Variants in ADGRG3 observed in about 807,000 individuals in gnomAD.
The protein encoded by ADGRG3 is adhesion G protein-coupled receptor G3.
Under a neutral mutation model 54.3 loss-of-function variants are expected in ADGRG3, and 39 were observed. The ratio of observed to expected loss-of-function variants is 0.72; its 90% CI spans 0.56 to 0.94. The LOEUF (loss-of-function observed/expected upper bound fraction) is 0.94, where lower values mean the gene tolerates loss of function less well. ADGRG3 is among the 40% of genes least tolerant of loss of function. The probability of loss-of-function intolerance (pLI) is 0.00; values close to 1 mark genes in which losing one functional copy is unlikely to be tolerated. For missense variants in ADGRG3, 654 were observed against 694.6 expected, an observed-to-expected ratio of 0.94 and a Z score of 0.66; for synonymous variants, 312 against 290.0, an observed-to-expected ratio of 1.08 and a Z score of -0.77.
rs1429066171 is a variant in ADGRG3 at position 57,668,346 on chromosome 16, G to C, written c.-2G>C. ...TCCTGGCGTGGGCAAGGCTGGCCAA[G>C]GATGGCGACGCCCAGGGGCCTGGGG... On this transcript the variant is annotated 5_prime_UTR_variant, in exon 1 of 12. Transcript: ENST00000333493. The C allele has an allele frequency of 6.4e-7, 1 of 1,569,740 alleles. No homozygotes were observed.
At chr16:57,684,720 A>G (rs2048441194) in intron 10 of ADGRG3, among the ~76,000 whole-genome samples, 1 of 152,214 alleles carries the variant, frequency 6.6e-6, no homozygotes, top group African/African-American at 2.4e-5. Context: ...GAACTGGACC[A>G]GGAGGCAGGA....
intron 1 of ADGRG3, among the ~76,000 whole-genome samples, chr16:57,671,357 T>C (rs990978712): frequency 4.6e-5 from 6 of 131,570 alleles, no homozygotes; most frequent in Non-Finnish European, 7.8e-5. Flanking sequence ...TTTTTTTTTT[T>C]CGAGACAGAG....
chr16:57,678,305 A>C lies in ADGRG3; in HGVS notation c.481A>C (p.Thr161Pro), dbSNP rs2048299954. The C allele has an allele frequency of 6.2e-7, 1 of 1,613,974 alleles. No individual in the cohort carries two copies. Among genetic ancestry groups the C allele is most frequent in the East Asian group, 2.2e-5 (1 of 44,866 alleles). Residue 161 changes from threonine (T) to proline (P), a missense_variant, in exon 4 of 12, where the codon ACT becomes CCT. By Grantham distance (38) the Thr-to-Pro change is conservative. Coordinates refer to ENST00000333493, the MANE Select transcript of ADGRG3 (RefSeq NM_170776.5). ...AVTILDIGPGTLFKGPRLGLG... is the reference protein window; with the variant it reads ...AVTILDIGPGPLFKGPRLGLG... Reference sequence around the variant, plus strand: ...CACCATTCTGGACATTGGTCCAGGGACTCTCTTCAAGGTGAGGACTCAGGG... The same window carrying C: ...CACCATTCTGGACATTGGTCCAGGGCCTCTCTTCAAGGTGAGGACTCAGGG...
At chr16:57,686,261 G>A (rs1278527165) in intron 11 of ADGRG3, among the ~76,000 whole-genome samples, 2 of 152,178 alleles carry the variant, frequency 1.3e-5, no homozygotes, top group Admixed American at 1.3e-4. Flanking sequence ...CAATCATGGT[G>A]GAAGATAAAG....
intron 6 of ADGRG3, among the ~76,000 whole-genome samples, 187 bp from the exon 7 acceptor site, chr16:57,680,078 T>G (rs1405017118): frequency 2.6e-5 from 2 of 78,000 alleles, no homozygotes; most frequent in Non-Finnish European, 5.3e-5. Flanking sequence ...TCCCCTCTGT[T>G]CCCCTCCCCT....
chr16:57,678,293 A>G lies in ADGRG3; in HGVS notation c.469A>G (p.Ile157Val), dbSNP rs763162128. 8.7e-6 allele frequency: 14 copies of G among 1,614,176 alleles called. No homozygotes were observed. The South Asian group carries it at 1.4e-4, about 16-fold the overall frequency. ...CCGCTTGGCCGTCACCATTCTGGAC[A>G]TTGGTCCAGGGACTCTCTTCAAGGT... is the stretch of plus-strand genomic sequence containing the variant. Reference protein sequence around the residue: ...VVRLAVTILDIGPGTLFKGPR... With the variant: ...VVRLAVTILDVGPGTLFKGPR... Residue 157 changes from isoleucine (I) to valine (V), a missense_variant, in exon 4 of 12, where the codon ATT becomes GTT. Ile to Val is a conservative substitution (Grantham distance 29). Transcript: ENST00000333493.
At chr16:57,688,301 A>C in intron 11 of ADGRG3, 51 bp from the exon 12 acceptor site, 1 of 1,189,068 alleles carries the variant, frequency 8.4e-7, no homozygotes, top group Non-Finnish European at 1.3e-6. Flanking sequence ...AGGCTGCCCC[A>C]CTCTCTGCCC....
chr16:57,676,188 G>A lies in ADGRG3; in HGVS notation c.207-12G>A, dbSNP rs1185533411. On this transcript the variant is annotated splice_polypyrimidine_tract_variant and intron_variant, in intron 2 of 11. Coordinates refer to ENST00000333493, the MANE Select transcript of ADGRG3 (RefSeq NM_170776.5). Reference sequence around the variant, plus strand: ...AGGATCCTACCCTCCCCCCATCCCTGGCCCTTTGCAGATACTGGCTAAACT... The same window carrying A: ...AGGATCCTACCCTCCCCCCATCCCTAGCCCTTTGCAGATACTGGCTAAACT... 2 of 1,613,258 alleles carry A rather than the reference G, an allele frequency of 1.2e-6. No homozygotes were observed. The highest frequency in any genetic ancestry group is 1.1e-5 in the South Asian group (1 of 91,062).
At chr16:57,669,052 C>T (rs979386094) in intron 1 of ADGRG3, among the ~76,000 whole-genome samples, 1 of 152,214 alleles carries the variant, frequency 6.6e-6, no homozygotes, top group African/African-American at 2.4e-5. Context: ...TGTCCCCCTA[C>T]CCCTTGCCCA....
intron 1 of ADGRG3, among the ~76,000 whole-genome samples, chr16:57,672,261 T>C (rs2048176693): frequency 1.3e-5 from 2 of 151,718 alleles, no homozygotes; most frequent in Admixed American, 6.6e-5. Flanking sequence ...GCTTGGTGGC[T>C]CACACCTGTA....
At chr16:57,675,669 T>C (rs140484689) in intron 2 of ADGRG3, among the ~76,000 whole-genome samples, 257 of 152,198 alleles carry the variant, frequency 1.7e-3, no homozygotes, top group African/African-American at 5.3e-3. Context: ...TGCTACAACA[T>C]AGATGAACCC....
At position 57,680,304 on chromosome 16, in the gene ADGRG3, A is replaced by G. The variant is rs767207922; in HGVS notation, c.707A>G (p.Glu236Gly). ...GDWSSEGCSTEVRPEGTVCCC... is the reference protein window; with the variant it reads ...GDWSSEGCSTGVRPEGTVCCC... The stretch of plus-strand genomic sequence containing the variant: ...TGGTCTTCTGAGGGCTGCTCCACGG[A>G]GGTCAGACCTGAGGGGACCGTGTGC... Residue 236 changes from glutamate to glycine, a missense_variant, in exon 7 of 12, where the codon GAG (glutamate) becomes GGG (glycine). Glu to Gly is a moderately conservative substitution (Grantham distance 98). Transcript: ENST00000333493. 6.2e-7 allele frequency: 1 copy of G among 1,608,918 alleles called. No homozygotes were observed. Among genetic ancestry groups the G allele is most frequent in the Admixed American group, 1.7e-5 (1 of 59,544 alleles).
chr16:57,686,101 G>A (rs2048468592), intron 11 of ADGRG3, 175 bp downstream of exon 11: 1 of 639,650 alleles, frequency 1.6e-6, no homozygotes, highest in Non-Finnish European at 2.7e-6. Flanking sequence ...TTTGGCTGCT[G>A]TATTAGTCCG....
intron 8 of ADGRG3, among the ~76,000 whole-genome samples, chr16:57,681,992 G>A (rs1447801422): frequency 1.3e-5 from 2 of 152,362 alleles, no homozygotes; most frequent in South Asian, 2.1e-4. Context: ...GCCCATGCCT[G>A]TCTGGGTCAC....
intron 1 of ADGRG3, among the ~76,000 whole-genome samples, 164 bp downstream of exon 1, chr16:57,668,569 CCT>C (rs1567849171): frequency 6.6e-6 from 1 of 152,222 alleles, no homozygotes; most frequent in African/African-American, 2.4e-5. Context: ...CTTCTCTAGC[CCT>C]GTCCCTTTGG....
In ADGRG3 at chr16:57,673,405, C is replaced by T; in HGVS notation, c.143C>T (p.Ala48Val). Reference protein sequence around the residue: ...MYDIFNLNDKALCFTKCRQSG... With the variant: ...MYDIFNLNDKVLCFTKCRQSG... Reference sequence around the variant, plus strand: ...GACATCTTCAACTTGAATGACAAGGCTTTGTGCTTCACCAAGTGCAGGCAG... The same window carrying T: ...GACATCTTCAACTTGAATGACAAGGTTTTGTGCTTCACCAAGTGCAGGCAG... Residue 48 changes from alanine (A) to valine (V), a missense_variant, in exon 2 of 12, where the codon GCT (alanine) becomes GTT (valine). Ala to Val is a moderately conservative substitution (Grantham distance 64, BLOSUM62 0). Coordinates refer to ENST00000333493, the MANE Select transcript of ADGRG3 (RefSeq NM_170776.5). 1 of 1,613,486 alleles carries T rather than the reference C, an allele frequency of 6.2e-7. No homozygotes were observed. Among genetic ancestry groups the T allele is most frequent in the Non-Finnish European group, 8.5e-7 (1 of 1,179,406 alleles).
Position 57,685,728 on chromosome 16 carries a change from G to C in ADGRG3, c.1342G>C (p.Val448Leu). 6.2e-7 allele frequency: 1 copy of C among 1,614,150 alleles called. No homozygotes were observed. Among genetic ancestry groups the C allele is most frequent in the South Asian group, 1.1e-5 (1 of 91,074 alleles). Residue 448 changes from valine (V) to leucine (L), a missense_variant, in exon 11 of 12, where the codon GTG becomes CTG. Val to Leu is a conservative substitution (Grantham distance 32). Coordinates refer to ENST00000333493, the MANE Select transcript of ADGRG3 (RefSeq NM_170776.5). ...YFLITFLFGMVVLALVVWKIF... is the reference protein window; with the variant it reads ...YFLITFLFGMLVLALVVWKIF... ...CCTCATCACCTTCCTCTTTGGCATG[G>C]TGGTCCTGGCCCTGGTGGTCTGGAA...
Position 57,679,215 on chromosome 16 carries a change from G to A in ADGRG3, c.531G>A (p.Leu177=), listed in dbSNP as rs1284360511. Residue 177 remains leucine, a synonymous_variant, in exon 5 of 12, where the codon TTG becomes TTA. Transcript: ENST00000333493. ...RLGLGDGSGV[L]NNRLVGLSVG... ...GCCTGGGAGATGGCAGCGGCGTGTTGAACAATCGCCTGGTGGGTTTGAGTG... is the reference window on the plus strand; with the variant it reads ...GCCTGGGAGATGGCAGCGGCGTGTTAAACAATCGCCTGGTGGGTTTGAGTG... The A allele has an allele frequency of 6.2e-7, 1 of 1,614,002 alleles. No homozygotes were observed. Among genetic ancestry groups the A allele is most frequent in the South Asian group, 1.1e-5 (1 of 91,078 alleles).
In ADGRG3 at chr16:57,670,204, T is replaced by C. The variant is rs116674528; in HGVS notation, c.58+1799T>C. ...TCCATGGAGGCCAGGCTCTGGAGCA[T>C]AGAGGGTCTGGAGAGGAGGGGAGTG... On this transcript the variant is annotated intron_variant, in intron 1 of 11. Transcript: ENST00000333493. 6.9e-3 allele frequency among the ~76,000 whole-genome samples: 1,047 copies of C among 152,274 alleles called. 14 individuals carry two copies. The highest frequency in any genetic ancestry group is 0.024 in the African/African-American group (1,010 of 41,532).
Sources: gnomAD v4.1 joint callset for allele counts (sites outside exome capture counted in the v4.1 genomes callset) on GRCh38, gnomAD v4.1.1 for gene constraint, MANE v1.5 for transcripts, NCBI Gene and HGNC (gene_info 2026-07-23, HGNC 2026-07-21) for gene names.